CUX2: variants seen among roughly 807,000 people sequenced by gnomAD.
The protein encoded by CUX2 is homeobox protein cut-like 2.
A neutral mutation model predicts 144.8 loss-of-function variants in CUX2; 40 were observed. That is an observed-to-expected ratio of 0.28 (90% confidence interval 0.21 to 0.36). CUX2 has a LOEUF of 0.36. CUX2 is among the 10% of genes least tolerant of loss of function. CUX2 has a pLI of 1.00. For synonymous variants in CUX2, 827 were observed against 875.6 expected (o/e 0.94, Z 0.98); for missense variants, 1,615 against 1,994.0 (o/e 0.81, Z 3.62).
rs1178879956 is a variant in CUX2, at chr12:111,186,701, C to T, written c.64-27499C>T. 1.3e-5 allele frequency among the ~76,000 whole-genome samples: 2 copies of T among 152,020 alleles called. No homozygotes were observed. The highest frequency in any genetic ancestry group is 4.8e-5 in the African/African-American group (2 of 41,396). On this transcript the variant is annotated intron_variant, in intron 1 of 21. Transcript: ENST00000261726. This position sits in a 1 kb window ranked among gnomAD's most constrained non-coding sequence, Gnocchi z 4.4. ...CTCTGAGCCTCTGTTTCCTTCTCTG[C>T]GAAGTGGAGATGGTGATGGTGCATA...
intron 1 of CUX2, among the ~76,000 whole-genome samples, chr12:111,153,374 T>C (rs1877178146): frequency 6.6e-6 from 1 of 152,186 alleles, no homozygotes; most frequent in African/African-American, 2.4e-5. Context: ...AAATGCGTTG[T>C]TAGTCAGTTT....
chr12:111,300,387 C>G (rs964943693), intron 9 of CUX2, among the ~76,000 whole-genome samples: 22 of 152,222 alleles, frequency 1.4e-4, no homozygotes, highest in Admixed American at 1.4e-3. Context: ...TCCCAAAGCA[C>G]TGGGATTAGA....
intron 1 of CUX2, among the ~76,000 whole-genome samples, chr12:111,157,668 T>C (rs1306204122): frequency 6.6e-6 from 1 of 152,080 alleles, no homozygotes; most frequent in Admixed American, 6.5e-5. Flanking sequence ...AGCATAGGAG[T>C]TGGTGATCCA....
intron 8 of CUX2, among the ~76,000 whole-genome samples, chr12:111,297,382 C>T (rs754040503): frequency 9.9e-5 from 15 of 152,238 alleles, no homozygotes; most frequent in Non-Finnish European, 4.4e-5. Flanking sequence ...TGAGTCTCGG[C>T]TGGAGGCCCC....
chr12:111,310,732 G>T lies in CUX2; in HGVS notation c.1900+50G>T. The T allele has an allele frequency of 6.5e-7, 1 of 1,537,520 alleles. No homozygotes were observed. On this transcript the variant is annotated intron_variant, in intron 15 of 21. Coordinates refer to ENST00000261726, the MANE Select transcript of CUX2 (RefSeq NM_015267.4). This position sits in a 1 kb window ranked among gnomAD's most constrained non-coding sequence, Gnocchi z 7.9. ...CCGCTGGCCACCACGCCAGGTCCAG[G>T]GCATCAGGGCTGGGGGCTGAGGACA...
rs545390041 is a variant in CUX2, at chr12:111,133,097, C to G, written c.64-81103C>G. On this transcript the variant is annotated intron_variant, in intron 1 of 21. Coordinates refer to ENST00000261726, the MANE Select transcript of CUX2 (RefSeq NM_015267.4). ...CATCTCCATCTGAGACCACCTCAGC[C>G]TCAACCTTATTGTTCATATCACTAT... is the stretch of plus-strand genomic sequence containing the variant. Among the ~76,000 whole-genome samples the G allele has an allele frequency of 1.8e-4, 27 of 152,318 alleles. No homozygotes were observed. In the East Asian group the frequency reaches 4.6e-3, roughly 26 times the overall value.
intron 1 of CUX2, among the ~76,000 whole-genome samples, chr12:111,126,431 G>C (rs976355276): frequency 6.6e-6 from 1 of 152,186 alleles, no homozygotes; most frequent in Non-Finnish European, 1.5e-5. Flanking sequence ...GGAGACCCAG[G>C]AGAGCTGATG....
At position 111,186,753 on chromosome 12, in the gene CUX2, A is replaced by G. The variant is rs780386156; in HGVS notation, c.64-27447A>G. Among the ~76,000 whole-genome samples the G allele has an allele frequency of 6.6e-6, 1 of 150,900 alleles. No individual in the cohort carries two copies. The highest frequency in any genetic ancestry group is 1.5e-5 in the Non-Finnish European group (1 of 67,908). On this transcript the variant is annotated intron_variant, in intron 1 of 21. Transcript: ENST00000261726. The surrounding 1 kb of genome is among the most constrained non-coding windows in gnomAD (Gnocchi z 4.4). ...CTGAGAGGGTCGCTGAGACATGTGC[A>G]GGTATTAAAATCGATATGATGTGTG...
intron 3 of CUX2, among the ~76,000 whole-genome samples, chr12:111,235,172 TG>T (rs1223771360): frequency 6.6e-6 from 1 of 152,084 alleles, no homozygotes; most frequent in African/African-American, 2.4e-5. Flanking sequence ...TATTCCCGGA[TG>T]GCTATTTAGT....
At chr12:111,157,316 C>T (rs1877460709) in intron 1 of CUX2, among the ~76,000 whole-genome samples, 2 of 150,576 alleles carry the variant, frequency 1.3e-5, no homozygotes, top group South Asian at 2.1e-4. Context: ...ATGTGCCAGG[C>T]ACTAGTTGGG....
chr12:111,044,746 G>A (rs959230503), intron 1 of CUX2, among the ~76,000 whole-genome samples: 16 of 152,334 alleles, frequency 1.1e-4, no homozygotes, highest in African/African-American at 3.8e-4. Flanking sequence ...TCCACAGGAG[G>A]GATGAGGTAG....
intron 1 of CUX2, among the ~76,000 whole-genome samples, chr12:111,079,554 TGTTG>T (rs1252557693): frequency 6.6e-6 from 1 of 152,124 alleles, no homozygotes; most frequent in Non-Finnish European, 1.5e-5. Flanking sequence ...TCCTCGTTGC[TGTTG>T]GTTAAGTTTG....
intron 1 of CUX2, among the ~76,000 whole-genome samples, chr12:111,180,960 C>T (rs897283244): frequency 2.6e-5 from 4 of 152,236 alleles, no homozygotes; most frequent in African/African-American, 9.6e-5. Context: ...TACATTGCCA[C>T]ATAATGGGTA....
chr12:111,200,233 C>T (rs1880496533), intron 1 of CUX2, among the ~76,000 whole-genome samples: 1 of 151,978 alleles, frequency 6.6e-6, no homozygotes. Context: ...CTGTCCCTGG[C>T]CATACCTTTA....
At chr12:111,183,646 T>C (rs1343488299) in intron 1 of CUX2, among the ~76,000 whole-genome samples, 1 of 152,194 alleles carries the variant, frequency 6.6e-6, no homozygotes, top group Non-Finnish European at 1.5e-5. Flanking sequence ...TGACTAAACC[T>C]CTCTGGGCGT....
At chr12:111,231,682 A>G (rs1314824660) in intron 3 of CUX2, among the ~76,000 whole-genome samples, 4 of 152,264 alleles carry the variant, frequency 2.6e-5, no homozygotes, top group Non-Finnish European at 5.9e-5. Flanking sequence ...GATCAGCAAT[A>G]TTTTTTAAAC....
intron 4 of CUX2, among the ~76,000 whole-genome samples, chr12:111,265,006 T>TCC (rs1426650959): frequency 5.3e-5 from 8 of 152,174 alleles, no homozygotes; most frequent in Admixed American, 2.6e-4. Context: ...AGTGAACAAG[T>TCC]GGTTGTAGAA....
chr12:111,085,140 A>G (rs769627307), intron 1 of CUX2, among the ~76,000 whole-genome samples: 1 of 152,164 alleles, frequency 6.6e-6, no homozygotes, highest in Non-Finnish European at 1.5e-5. Context: ...GAAGGAAAGG[A>G]AAGTAGGATA....
At chr12:111,065,428 T>A (rs1026356737) in intron 1 of CUX2, among the ~76,000 whole-genome samples, 22 of 152,186 alleles carry the variant, frequency 1.4e-4, no homozygotes, top group African/African-American at 5.3e-4. Flanking sequence ...CCGCCTCTCC[T>A]GAGTTCAAGC....
Sources: allele counts gnomAD v4.1 joint callset (sites outside exome capture counted in the v4.1 genomes callset), GRCh38; gene constraint gnomAD v4.1.1; non-coding constraint Gnocchi (gnomAD v3.1); transcripts MANE v1.5; gene names NCBI Gene and HGNC (gene_info 2026-07-23, HGNC 2026-07-21).